OTUD5: variants seen among roughly 807,000 people sequenced by gnomAD.
The protein encoded by OTUD5 is OTU deubiquitinase 5.
In OTUD5, 2 loss-of-function variants were observed where a neutral mutation model predicts 36.3. The ratio of observed to expected loss-of-function variants is 0.06; its 90% CI spans 0.02 to 0.17. OTUD5 has a LOEUF of 0.17. OTUD5 is among the 10% of genes least tolerant of loss of function. The probability of loss-of-function intolerance (pLI) is 1.00; values close to 1 mark genes in which losing one functional copy is unlikely to be tolerated. For synonymous variants in OTUD5, 234 were observed against 214.9 expected (o/e 1.09, Z -0.78); for missense variants, 233 against 512.3 (o/e 0.45, Z 5.26).
chrX:48,923,062 G>C lies in OTUD5; in HGVS notation c.*112C>G. 8.5e-7 allele frequency: 1 copy of C among 1,177,989 alleles called. No homozygotes were observed. Among genetic ancestry groups the C allele is most frequent in the Non-Finnish European group, 1.1e-6 (1 of 876,826 alleles). ...GAAGTGAGGAGGAGGGAAAAGAGGG[G>C]AGAGCAGAAAGAACAGAAGGAGGCA... is the stretch of plus-strand genomic sequence containing the variant. On this transcript the variant is annotated 3_prime_UTR_variant, in exon 9 of 9. Coordinates refer to ENST00000376488, the MANE Select transcript of OTUD5 (RefSeq NM_001136157.2).
rs2063595704 is a variant in OTUD5, at chrX:48,922,423, G to C, written c.*751C>G. ...AAGCAAAAGGAATGCAGCAAGGTCA[G>C]GGTTTCATTGTCCAAGCCGGCCTGA... On this transcript the variant is annotated 3_prime_UTR_variant, in exon 9 of 9. Transcript: ENST00000376488. 1 of 461,137 alleles carries C rather than the reference G, an allele frequency of 2.2e-6. No individual in the cohort carries two copies. Among genetic ancestry groups the C allele is most frequent in the Non-Finnish European group, 2.7e-6 (1 of 371,493 alleles). 38.0% of individuals were successfully genotyped at this position (461,137 alleles called of 1,213,427 possible). A position where few individuals can be genotyped will look rare whatever the true frequency, so the allele number is the denominator to read the frequency against.
intron 5 of OTUD5, among the ~76,000 whole-genome samples, chrX:48,930,295 C>T (rs1377092800): frequency 1.8e-5 from 2 of 111,174 alleles, no homozygotes; most frequent in East Asian, 2.8e-4. Flanking sequence ...GATTCTGCTA[C>T]GCGTGTATAT....
intron 6 of OTUD5, 117 bp downstream of exon 6, chrX:48,925,729 TG>T: frequency 1.8e-6 from 1 of 552,544 alleles, no homozygotes; most frequent in Non-Finnish European, 3.0e-6. Flanking sequence ...CAGATGGTGC[TG>T]GATGCTTCCT....
intron 2 of OTUD5, among the ~76,000 whole-genome samples, chrX:48,938,500 C>A (rs782312933): frequency 9.1e-6 from 1 of 110,133 alleles, no homozygotes; most frequent in Non-Finnish European, 1.9e-5. Context: ...CAAGACCAGC[C>A]GAGCCAACAT....
intron 2 of OTUD5, among the ~76,000 whole-genome samples, chrX:48,942,108 C>T: frequency 9.1e-6 from 1 of 109,953 alleles, no homozygotes; most frequent in East Asian, 2.8e-4. Flanking sequence ...GGGAGAACAG[C>T]TAGATACATA....
At chrX:48,941,432 CAAAAAAAAAAAAAAAAAA>C (rs200040194) in intron 2 of OTUD5, among the ~76,000 whole-genome samples, 10 of 31,928 alleles carry the variant, frequency 3.1e-4, no homozygotes, top group South Asian at 3.0e-3. Flanking sequence ...GACTCCATCT[CAAAAAAAAAAAAAAAAAA>C]AAAAAAAAAA....
At chrX:48,940,673 A>G (rs1000698951) in intron 2 of OTUD5, 2 of 112,029 alleles carry the variant, frequency 1.8e-5, no homozygotes, top group Non-Finnish European at 3.8e-5. Flanking sequence ...TCAAAGCCAC[A>G]TGGAGGGAGG....
At chrX:48,934,929 TC>T in intron 3 of OTUD5, 24 bp downstream of exon 3, 2 of 1,206,550 alleles carry the variant, frequency 1.7e-6, no homozygotes, top group South Asian at 3.5e-5. Context: ...CCCTGCCCCT[TC>T]CCCAAAGGCC....
chrX:48,933,658 T>A (rs2063789826), intron 5 of OTUD5, among the ~76,000 whole-genome samples: 1 of 111,838 alleles, frequency 8.9e-6, no homozygotes, highest in African/African-American at 3.3e-5. Context: ...CCTCAGGTGA[T>A]CTGCCAGCCT....
At chrX:48,938,446 A>C (rs2063864500) in intron 2 of OTUD5, among the ~76,000 whole-genome samples, 1 of 111,311 alleles carries the variant, frequency 9.0e-6, no homozygotes, top group Non-Finnish European at 1.9e-5. Flanking sequence ...TAATCCCAGC[A>C]ATTTGGGAGG....
At chrX:48,929,678 C>T (rs1418798336) in intron 5 of OTUD5, among the ~76,000 whole-genome samples, 2 of 110,175 alleles carry the variant, frequency 1.8e-5, no homozygotes, top group Admixed American at 9.7e-5. Flanking sequence ...TTGAGATCAT[C>T]GCACCACTGC....
In OTUD5 at chrX:48,926,755, G is replaced by C. The variant is rs781850349; in HGVS notation, c.1060-705C>G. Among the ~76,000 whole-genome samples the C allele has an allele frequency of 9.6e-4, 107 of 111,272 alleles. 2 individuals are homozygous for C. The highest frequency in any genetic ancestry group is 3.3e-3 in the African/African-American group (100 of 30,586). On this transcript the variant is annotated intron_variant, in intron 5 of 8. Coordinates refer to ENST00000376488, the MANE Select transcript of OTUD5 (RefSeq NM_001136157.2). ...TGAGACACATACAAAAATTAGCTATGTGTGCACCGGGTGGAGGGAGTATTC... is the reference window on the plus strand; with the variant it reads ...TGAGACACATACAAAAATTAGCTATCTGTGCACCGGGTGGAGGGAGTATTC...
In OTUD5 at chrX:48,922,878, CTT is replaced by C; in HGVS notation, c.*294_*295del. Reference sequence around the variant, plus strand: ...CCAGTTGGTCTGTCTCTGTGTGCCTCTTGTCTATCTTCGGCACCCTTGCCCGA... The same window carrying C: ...CCAGTTGGTCTGTCTCTGTGTGCCTCGTCTATCTTCGGCACCCTTGCCCGA... On this transcript the variant is annotated 3_prime_UTR_variant, in exon 9 of 9. Coordinates refer to ENST00000376488, the MANE Select transcript of OTUD5 (RefSeq NM_001136157.2). The C allele has an allele frequency of 2.2e-6, 2 of 919,292 alleles. No homozygotes were observed. Among genetic ancestry groups the C allele is most frequent in the Non-Finnish European group, 2.7e-6 (2 of 740,314 alleles). 75.8% of individuals were successfully genotyped at this position (919,292 alleles called of 1,213,427 possible).
intron 5 of OTUD5, among the ~76,000 whole-genome samples, chrX:48,934,058 G>A (rs1157933326): frequency 8.9e-6 from 1 of 111,821 alleles, no homozygotes; most frequent in African/African-American, 3.3e-5. Context: ...TACAGAATCT[G>A]CCTAGATCAC....
At chrX:48,935,811 C>T (rs2063820662) in intron 2 of OTUD5, among the ~76,000 whole-genome samples, 1 of 108,712 alleles carries the variant, frequency 9.2e-6, no homozygotes, top group Admixed American at 9.9e-5. Context: ...TGGTGGCGGG[C>T]GCCTATAATC....
chrX:48,929,123 C>T (rs782095945), intron 5 of OTUD5, among the ~76,000 whole-genome samples: 1 of 111,839 alleles, frequency 8.9e-6, no homozygotes, highest in Non-Finnish European at 1.9e-5. Flanking sequence ...CACGGTGGCT[C>T]ATGCCTGTAA....
At chrX:48,937,407 A>C (rs898911189) in intron 2 of OTUD5, among the ~76,000 whole-genome samples, 1 of 112,301 alleles carries the variant, frequency 8.9e-6, no homozygotes, top group Non-Finnish European at 1.9e-5. Flanking sequence ...CCAGGCTCAG[A>C]GAGATAGGCT....
intron 1 of OTUD5, among the ~76,000 whole-genome samples, chrX:48,955,347 G>A (rs1557054898): frequency 9.0e-6 from 1 of 111,542 alleles, no homozygotes. Flanking sequence ...CAAACCCTTG[G>A]AGGTAGACTC....
At position 48,924,067 on chromosome X, in the gene OTUD5, G is replaced by A. The variant is rs2063624932; in HGVS notation, c.1264-15C>T. On this transcript the variant is annotated splice_polypyrimidine_tract_variant and intron_variant, in intron 6 of 8. Transcript: ENST00000376488. The stretch of plus-strand genomic sequence containing the variant: ...GCTTTCCGGGGCTGCAGCGGGGAAG[G>A]TAAATGCGTTAAGGACCACCAGCAG... 1 of 1,180,152 alleles carries A rather than the reference G, an allele frequency of 8.5e-7. No individual in the cohort carries two copies. Among genetic ancestry groups the A allele is most frequent in the South Asian group, 1.9e-5 (1 of 53,960 alleles).
Sources: allele counts gnomAD v4.1 joint callset (sites outside exome capture counted in the v4.1 genomes callset), GRCh38; gene constraint gnomAD v4.1.1; transcripts MANE v1.5; gene names NCBI Gene and HGNC (gene_info 2026-07-23, HGNC 2026-07-21).